Variants in ANXA8 observed in about 807,000 individuals in gnomAD.
ANXA8 encodes the protein annexin A8.
Under a neutral mutation model 26.8 loss-of-function variants are expected in ANXA8, and 9 were observed. The ratio of observed to expected loss-of-function variants is 0.34; its 90% CI spans 0.20 to 0.59. The LOEUF (loss-of-function observed/expected upper bound fraction) is 0.59. Ranked by LOEUF, ANXA8 falls within the 20% of genes least tolerant of loss-of-function variation. The pLI is 0.84. For synonymous variants in ANXA8, 39 were observed against 94.8 expected (o/e 0.41, Z 3.42); for missense variants, 83 against 238.5 (o/e 0.35, Z 4.29).
chr10:47,918,383 G>GAGACAGAAAGAAAGAA, the ANXA8 span, among the ~76,000 whole-genome samples: 1 of 10,502 alleles, frequency 9.5e-5, no homozygotes, highest in East Asian at 1.3e-3. Context: ...GAGAGAGAGA[G>GAGACAGAAAGAAAGAA]AGAAAGAAAG....
the ANXA8 span, among the ~76,000 whole-genome samples, chr10:47,939,404 C>A: frequency 6.9e-6 from 1 of 144,788 alleles, no homozygotes; most frequent in Admixed American, 6.8e-5. Context: ...ACATCACCTC[C>A]CTGAAATCTC....
the ANXA8 span, among the ~76,000 whole-genome samples, chr10:47,561,584 T>G: frequency 5.6e-4 from 85 of 152,016 alleles, no homozygotes; most frequent in Non-Finnish European, 9.9e-4. Context: ...TTATGGTAAG[T>G]TATTTAAAAG....
At chr10:47,660,808 CAA>C in the ANXA8 span, among the ~76,000 whole-genome samples, 1,045 of 60,948 alleles carry the variant, frequency 0.017, 7 homozygotes, top group African/African-American at 0.053. Flanking sequence ...CACTGACTGT[CAA>C]AAAAAAAAAA....
chr10:47,942,103 C>T, the ANXA8 span, among the ~76,000 whole-genome samples: 1 of 147,408 alleles, frequency 6.8e-6, no homozygotes, highest in Non-Finnish European at 1.5e-5. Context: ...TTCACAGAAG[C>T]AACACCCCTG....
chr10:47,658,847 ATTATTTATTTAT>A, the ANXA8 span, among the ~76,000 whole-genome samples: 91 of 133,682 alleles, frequency 6.8e-4, 1 homozygote, highest in African/African-American at 1.0e-3. Context: ...TTATTTATTT[ATTATTTATTTAT>A]TTATTTATTT....
At chr10:47,511,602 C>G in the ANXA8 span, among the ~76,000 whole-genome samples, 1 of 109,180 alleles carries the variant, frequency 9.2e-6, no homozygotes, top group Non-Finnish European at 1.9e-5. Flanking sequence ...TCAAATGAGA[C>G]TCTTGGAGAA....
chr10:47,989,422 T>C, the ANXA8 span, among the ~76,000 whole-genome samples: 1 of 123,200 alleles, frequency 8.1e-6, no homozygotes, highest in Non-Finnish European at 1.8e-5. Context: ...AGGTCTCAGG[T>C]GCAGCATTTG....
At chr10:47,700,979 G>A in the ANXA8 span, among the ~76,000 whole-genome samples, 10 of 151,452 alleles carry the variant, frequency 6.6e-5, no homozygotes, top group African/African-American at 2.4e-4. Context: ...CTACATAGGA[G>A]GCTGAGGCAG....
At chr10:47,640,024 T>A in the ANXA8 span, among the ~76,000 whole-genome samples, 1 of 145,326 alleles carries the variant, frequency 6.9e-6, no homozygotes, top group Admixed American at 6.8e-5. Context: ...TCTCCTGGGT[T>A]CACACCATCC....
At chr10:47,768,000 AG>A in the ANXA8 span, among the ~76,000 whole-genome samples, 2,777 of 148,076 alleles carry the variant, frequency 0.019, no homozygotes, top group Non-Finnish European at 0.026. Context: ...TGTGTTAGCA[AG>A]GAGCTGAGCC....
At chr10:47,486,809 T>A (rs1437277865), upstream of ANXA8, among the ~76,000 whole-genome samples, 11 of 128,096 alleles carry the variant, frequency 8.6e-5, no homozygotes, top group African/African-American at 2.7e-4. Flanking sequence ...CAATAAAAAA[T>A]AATAATAATA....
the ANXA8 span, chr10:47,565,120 C>A: frequency 2.7e-6 from 2 of 752,906 alleles, no homozygotes; most frequent in African/African-American, 3.5e-5. Flanking sequence ...CGCCCAACTT[C>A]AACTTCCTGG....
chr10:47,734,914 G>C, the ANXA8 span, among the ~76,000 whole-genome samples: 131 of 125,984 alleles, frequency 1.0e-3, 4 homozygotes, highest in Non-Finnish European at 1.6e-3. Context: ...AGCTACTTGG[G>C]AGGCTGAGGC....
At chr10:47,726,679 C>CT in the ANXA8 span, among the ~76,000 whole-genome samples, 2 of 152,272 alleles carry the variant, frequency 1.3e-5, no homozygotes, top group East Asian at 1.9e-4. Flanking sequence ...AAAAAAAAAC[C>CT]TTTTTTTCCT....
chr10:47,943,806 T>G, the ANXA8 span, among the ~76,000 whole-genome samples: 1 of 148,378 alleles, frequency 6.7e-6, no homozygotes, highest in South Asian at 2.1e-4. Context: ...GGGCTTTGGA[T>G]GTGGGCTGCA....
At chr10:47,686,059 T>A in the ANXA8 span, among the ~76,000 whole-genome samples, 8 of 151,264 alleles carry the variant, frequency 5.3e-5, no homozygotes, top group African/African-American at 1.9e-4. Flanking sequence ...TGACTTTTTT[T>A]CTGAACATTA....
the ANXA8 span, among the ~76,000 whole-genome samples, chr10:47,520,954 T>C: frequency 8.2e-6 from 1 of 122,512 alleles, no homozygotes; most frequent in African/African-American, 3.6e-5. Context: ...ACAGTCTATT[T>C]TATAGGCAAA....
At chr10:47,700,554 A>T in the ANXA8 span, among the ~76,000 whole-genome samples, 1 of 151,638 alleles carries the variant, frequency 6.6e-6, no homozygotes, top group African/African-American at 2.4e-5. Context: ...AACAACAAGA[A>T]GGAAACCTGA....
the ANXA8 span, among the ~76,000 whole-genome samples, chr10:47,722,514 T>G: frequency 7.1e-6 from 1 of 140,108 alleles, no homozygotes; most frequent in South Asian, 2.2e-4. Context: ...AGGCTGGGGC[T>G]GCAGTCATCT....
Sources: allele counts gnomAD v4.1 joint callset (sites outside exome capture counted in the v4.1 genomes callset), GRCh38; gene constraint gnomAD v4.1.1; transcripts MANE v1.5; gene names NCBI Gene and HGNC (gene_info 2026-07-23, HGNC 2026-07-21).